The following NSG2 variants were observed in gnomAD, a reference collection of about 807,000 sequenced individuals.
The protein encoded by NSG2 is neuronal vesicle trafficking associated 2, also known as neuronal vesicle trafficking-associated protein 2.
A neutral mutation model predicts 16.9 loss-of-function variants in NSG2; 4 were observed. That is an observed-to-expected ratio of 0.24 (90% CI 0.12 to 0.54). NSG2 has a LOEUF of 0.54. Among genes scored for constraint, NSG2 ranks in the 20% least tolerant of loss-of-function variants. The pLI is 0.95. For synonymous variants in NSG2, 98 were observed against 88.7 expected, an observed-to-expected ratio of 1.11 and a Z score of -0.59; for missense variants, 179 against 221.1, an observed-to-expected ratio of 0.81 and a Z score of 1.21.
At position 174,104,349 on chromosome 5, in the gene NSG2, G is replaced by A; in HGVS notation, c.324+11G>A. ...GGATTCGTCTATAAGGTAAGAGGTG[G>A]TTGAGTAGTCCCAGGTCACTATCAA... On this transcript the variant is annotated intron_variant, in intron 4 of 4. Transcript: ENST00000303177. 3 of 1,570,858 alleles carry A rather than the reference G, an allele frequency of 1.9e-6. No individual in the cohort carries two copies. Among genetic ancestry groups the A allele is most frequent in the Non-Finnish European group, 2.6e-6 (3 of 1,140,804 alleles).
At chr5:174,053,432 G>A (rs1412149853) in intron 2 of NSG2, among the ~76,000 whole-genome samples, 1 of 152,144 alleles carries the variant, frequency 6.6e-6, no homozygotes, top group Non-Finnish European at 1.5e-5. Flanking sequence ...TGCTCTGCAG[G>A]GGAGGCCTGA....
intron 3 of NSG2, among the ~76,000 whole-genome samples, chr5:174,078,791 A>T (rs1268410931): frequency 2.6e-5 from 4 of 152,148 alleles, no homozygotes; most frequent in Admixed American, 2.6e-4. Context: ...CCATCTATGA[A>T]CCAGAAAGTG....
At chr5:174,092,892 G>A (rs1381197677) in intron 3 of NSG2, among the ~76,000 whole-genome samples, 1 of 152,140 alleles carries the variant, frequency 6.6e-6, no homozygotes, top group Non-Finnish European at 1.5e-5. Flanking sequence ...ATTTAAGCTG[G>A]GATCCATGTA....
At chr5:174,053,537 A>G (rs1448689089) in intron 2 of NSG2, among the ~76,000 whole-genome samples, 3 of 152,110 alleles carry the variant, frequency 2.0e-5, no homozygotes, top group Non-Finnish European at 4.4e-5. Context: ...GACACAGGAT[A>G]TGAGAAACAT....
In NSG2 at chr5:174,107,233, T is replaced by C; in HGVS notation, c.325-81T>C. The C allele has an allele frequency of 7.7e-7, 1 of 1,304,320 alleles. No homozygotes were observed. The allele number at this position is 1,304,320 out of a possible 1,614,324, so 80.8% of individuals were successfully genotyped here. ...GGCTGACAGCCCGATGCAGCTGCAC[T>C]CCAGTCAGGGTGGCTGTGTTGCTGG... On this transcript the variant is annotated intron_variant, in intron 4 of 4. Transcript: ENST00000303177. This position sits in a 1 kb window ranked among gnomAD's most constrained non-coding sequence, Gnocchi z 4.5.
rs753110304 is a variant in NSG2 at position 174,107,295 on chromosome 5, C to CT, written c.325-18dup. 1 of 1,532,892 alleles carries CT rather than the reference C, an allele frequency of 6.5e-7. No individual in the cohort carries two copies. The highest frequency in any genetic ancestry group is 8.8e-7 in the Non-Finnish European group (1 of 1,134,986). 95.0% of individuals were successfully genotyped at this position (1,532,892 alleles called of 1,614,324 possible). On this transcript the variant is annotated intron_variant, in intron 4 of 4. Coordinates refer to ENST00000303177, the MANE Select transcript of NSG2 (RefSeq NM_015980.5). The surrounding 1 kb of genome is among the most constrained non-coding windows in gnomAD (Gnocchi z 4.5). ...GCAGTTTGCTGAATGACCCCTGACT[C>CT]TGTCTCTTTCTTCCCCAGCACAAAC...
Position 174,107,872 on chromosome 5 carries a change from T to A in NSG2, c.*367T>A. The A allele has an allele frequency of 2.5e-6, 1 of 407,940 alleles. No homozygotes were observed. Among genetic ancestry groups the A allele is most frequent in the East Asian group, 6.7e-5 (1 of 15,024 alleles). The allele number at this position is 407,940 out of a possible 1,614,324, so 25.3% of individuals were successfully genotyped here. A position where few individuals can be genotyped will look rare whatever the true frequency, so the allele number is the denominator to read the frequency against. On this transcript the variant is annotated 3_prime_UTR_variant, in exon 5 of 5. Coordinates refer to ENST00000303177, the MANE Select transcript of NSG2 (RefSeq NM_015980.5). The surrounding 1 kb of genome is among the most constrained non-coding windows in gnomAD (Gnocchi z 4.5). Reference sequence around the variant, plus strand: ...AACAAAAAGCATTAAACTGGCTCCATCAGAAGACGTTGAAGGGCAGTGAAG... The same window carrying A: ...AACAAAAAGCATTAAACTGGCTCCAACAGAAGACGTTGAAGGGCAGTGAAG...
chr5:174,105,352 G>C (rs1048809527), intron 4 of NSG2, among the ~76,000 whole-genome samples: 18 of 152,158 alleles, frequency 1.2e-4, no homozygotes, highest in African/African-American at 4.1e-4. Context: ...TCACCTGGTT[G>C]CCTCTCTGGG....
In NSG2 at chr5:174,058,875, G is replaced by C. The variant is rs376817445; in HGVS notation, c.130-5357G>C. Reference sequence around the variant, plus strand: ...TTGGAGAAAATGTGGCTTAGCTAAAGAAAACAGCAGATGACTGAGGACCCA... The same window carrying C: ...TTGGAGAAAATGTGGCTTAGCTAAACAAAACAGCAGATGACTGAGGACCCA... On this transcript the variant is annotated intron_variant, in intron 2 of 4. Transcript: ENST00000303177. 2.0e-5 allele frequency among the ~76,000 whole-genome samples: 3 copies of C among 152,324 alleles called. No individual in the cohort carries two copies. The East Asian group carries it at 5.8e-4, about 29-fold the overall frequency.
intron 3 of NSG2, among the ~76,000 whole-genome samples, chr5:174,071,965 G>C (rs1253384320): frequency 1.3e-5 from 2 of 152,110 alleles, no homozygotes; most frequent in Non-Finnish European, 2.9e-5. Context: ...GGGGGCCTTG[G>C]CTCCCTGTCT....
At chr5:174,078,641 A>C (rs955897599) in intron 3 of NSG2, among the ~76,000 whole-genome samples, 1 of 152,130 alleles carries the variant, frequency 6.6e-6, no homozygotes. Flanking sequence ...AGTTCATATT[A>C]GTTATTAGGA....
chr5:174,089,367 G>A (rs73806552), intron 3 of NSG2, among the ~76,000 whole-genome samples: 4,313 of 152,222 alleles, frequency 0.028, 63 homozygotes, highest in Non-Finnish European at 0.035. Context: ...CAAAGTGTAC[G>A]CCGCCACCAG....
intron 2 of NSG2, among the ~76,000 whole-genome samples, chr5:174,052,299 A>G (rs1358473680): frequency 6.6e-6 from 1 of 152,024 alleles, no homozygotes; most frequent in African/African-American, 2.4e-5. Context: ...GGGCAGTGGC[A>G]GTGGGGTGGG....
chr5:174,054,204 C>T (rs1581217278), intron 2 of NSG2, among the ~76,000 whole-genome samples: 1 of 152,332 alleles, frequency 6.6e-6, no homozygotes, highest in African/African-American at 2.4e-5. Flanking sequence ...TGGGGAAACA[C>T]ACATAGTGTG....
At chr5:174,058,976 A>G (rs1373849279) in intron 2 of NSG2, among the ~76,000 whole-genome samples, 1 of 152,136 alleles carries the variant, frequency 6.6e-6, no homozygotes, top group African/African-American at 2.4e-5. Flanking sequence ...CCTGAAGCTA[A>G]AGGGACTATT....
rs574185425 is a variant in NSG2, at chr5:174,104,352, G to C, written c.324+14G>C. Reference sequence around the variant, plus strand: ...TTCGTCTATAAGGTAAGAGGTGGTTGAGTAGTCCCAGGTCACTATCAAATT... The same window carrying C: ...TTCGTCTATAAGGTAAGAGGTGGTTCAGTAGTCCCAGGTCACTATCAAATT... On this transcript the variant is annotated intron_variant, in intron 4 of 4. Coordinates refer to ENST00000303177, the MANE Select transcript of NSG2 (RefSeq NM_015980.5). 6.4e-7 allele frequency: 1 copy of C among 1,559,772 alleles called. No homozygotes were observed. Among genetic ancestry groups the C allele is most frequent in the Non-Finnish European group, 8.8e-7 (1 of 1,130,828 alleles).
intron 3 of NSG2, among the ~76,000 whole-genome samples, chr5:174,095,326 C>T (rs1490749009): frequency 6.6e-6 from 1 of 152,196 alleles, no homozygotes; most frequent in Non-Finnish European, 1.5e-5. Context: ...GAAACTTGTT[C>T]TCTCACAGTT....
intron 4 of NSG2, among the ~76,000 whole-genome samples, chr5:174,104,689 C>T (rs984903672): frequency 6.6e-6 from 1 of 152,174 alleles, no homozygotes; most frequent in Middle Eastern, 3.4e-3. Context: ...GTTTGCTTAC[C>T]CTTGCAGTGG....
intron 3 of NSG2, among the ~76,000 whole-genome samples, chr5:174,096,451 G>T (rs1465296806): frequency 6.6e-6 from 1 of 152,122 alleles, no homozygotes; most frequent in Non-Finnish European, 1.5e-5. Flanking sequence ...GAAAACTGGG[G>T]TACCTGGAGC....
Sources: allele counts gnomAD v4.1 joint callset (sites outside exome capture counted in the v4.1 genomes callset), GRCh38; gene constraint gnomAD v4.1.1; non-coding constraint Gnocchi (gnomAD v3.1); transcripts MANE v1.5; gene names NCBI Gene and HGNC (gene_info 2026-07-23, HGNC 2026-07-21).